Variants in PLLP observed in about 807,000 individuals in gnomAD.
The protein encoded by PLLP is plasmolipin.
In PLLP, 15 loss-of-function variants were observed where a neutral mutation model predicts 19.7. That is an observed-to-expected ratio of 0.76 (90% CI 0.51 to 1.17). The LOEUF (loss-of-function observed/expected upper bound fraction) is 1.17, where lower values mean the gene tolerates loss of function less well. Ranked by LOEUF, PLLP falls within the 50% of genes most tolerant of loss-of-function variation. The probability of loss-of-function intolerance (pLI) is 0.00; values close to 1 mark genes in which losing one functional copy is unlikely to be tolerated. For synonymous variants in PLLP, 111 were observed against 116.3 expected, an observed-to-expected ratio of 0.95 and a Z score of 0.29; for missense variants, 255 against 258.3, an observed-to-expected ratio of 0.99 and a Z score of 0.09.
rs767218252 is a variant in PLLP, at chr16:57,284,458, G to A, written c.83C>T (p.Pro28Leu). The change falls in exon 1 of 4, where the codon CCG (proline) becomes CTG (leucine). Residue 28 changes from proline (P) to leucine (L), a missense_variant. Pro to Leu is a moderately conservative substitution (Grantham distance 98). Transcript: ENST00000219207. ...GCGGGAGCGCACGAAGCCCAGGTCC[G>A]GGCGCAGCGCCGACACCGAGGCTTC... ...GAEASVSALR[P>L]DLGFVRSRLG... 2.8e-6 allele frequency: 4 copies of A among 1,413,592 alleles called. No individual in the cohort carries two copies. The highest frequency in any genetic ancestry group is 3.7e-6 in the Non-Finnish European group (4 of 1,079,426). 87.6% of individuals were successfully genotyped at this position (1,413,592 alleles called of 1,614,324 possible).
intron 1 of PLLP, among the ~76,000 whole-genome samples, chr16:57,283,542 T>TCACCCACCCAGGG (rs1901244509): frequency 6.6e-6 from 1 of 152,156 alleles, no homozygotes; most frequent in South Asian, 2.1e-4. Flanking sequence ...TATCAGGCCC[T>TCACCCACCCAGGG]CACCCACCCA....
In PLLP at chr16:57,258,490, C is replaced by T. The variant is rs749138902; in HGVS notation, c.404G>A (p.Arg135Gln). 1.7e-5 allele frequency: 28 copies of T among 1,612,508 alleles called. No homozygotes were observed. Among genetic ancestry groups the T allele is most frequent in the Middle Eastern group, 3.3e-4 (2 of 6,062 alleles). ...AVDLTSLRGT[R>Q]PYNQRAAASF... Reference sequence around the variant, plus strand: ...GGCAGCCGCGCGCTGGTTATAAGGCCGGGTGCCCCTCAGGGATGTCAGGTC... The same window carrying T: ...GGCAGCCGCGCGCTGGTTATAAGGCTGGGTGCCCCTCAGGGATGTCAGGTC... Residue 135 changes from arginine to glutamine, a missense_variant, in exon 3 of 4, where the codon CGG becomes CAG. Transcript: ENST00000219207.
intron 1 of PLLP, among the ~76,000 whole-genome samples, chr16:57,284,012 G>T (rs541906665): frequency 1.5e-4 from 23 of 152,236 alleles, no homozygotes; most frequent in African/African-American, 5.3e-4. Context: ...CAGAAAGAGG[G>T]GTGAAAAAGA....
At chr16:57,268,813 G>A (rs1191271441) in intron 1 of PLLP, among the ~76,000 whole-genome samples, 2 of 152,184 alleles carry the variant, frequency 1.3e-5, no homozygotes, top group Non-Finnish European at 2.9e-5. Flanking sequence ...ATGGCCAGGT[G>A]TCATGATCAC....
chr16:57,268,119 C>T (rs1225051834), intron 1 of PLLP, among the ~76,000 whole-genome samples: 1 of 152,066 alleles, frequency 6.6e-6, no homozygotes, highest in Non-Finnish European at 1.5e-5. Context: ...CACCAGAAGC[C>T]AGGAGGGGGA....
At chr16:57,282,236 T>G (rs1207036018) in intron 1 of PLLP, among the ~76,000 whole-genome samples, 13 of 151,714 alleles carry the variant, frequency 8.6e-5, no homozygotes, top group African/African-American at 2.7e-4. Context: ...TTCTTTTTTT[T>G]TTTTTGTGTG....
chr16:57,264,495 C>A (rs1313136730), intron 1 of PLLP, among the ~76,000 whole-genome samples: 1 of 152,260 alleles, frequency 6.6e-6, no homozygotes, highest in Non-Finnish European at 1.5e-5. Flanking sequence ...AATCCTATTT[C>A]TTCAACCATG....
intron 1 of PLLP, chr16:57,263,262 G>A (rs1360925574): frequency 1.3e-5 from 2 of 152,252 alleles, no homozygotes; most frequent in African/African-American, 2.4e-5. Flanking sequence ...GAAGCCAAGG[G>A]GCCTACCTGT....
intron 1 of PLLP, among the ~76,000 whole-genome samples, chr16:57,268,923 TGA>T (rs1479480325): frequency 1.3e-5 from 2 of 152,156 alleles, no homozygotes; most frequent in South Asian, 2.1e-4. Context: ...GAGGCCTCAC[TGA>T]GAGAATGACA....
Position 57,284,606 on chromosome 16 carries a change from G to C in PLLP, c.-66C>G, listed in dbSNP as rs11541873. ...CGCCGCCCCTCCAGCGGTGGGTGCC[G>C]GCTCCCGCGCCGCTTTTCCCCCAGG... On this transcript the variant is annotated 5_prime_UTR_variant, in exon 1 of 4. Transcript: ENST00000219207. The C allele has an allele frequency of 0.037, 47,375 of 1,280,550 alleles. 1,815 individuals are homozygous for C. Among genetic ancestry groups the C allele is most frequent in the South Asian group, 0.23 (8,759 of 37,422 alleles). The allele number at this position is 1,280,550 out of a possible 1,614,324, so 79.3% of individuals were successfully genotyped here. A position where few individuals can be genotyped will look rare whatever the true frequency, so the allele number is the denominator to read the frequency against.
chr16:57,271,977 AG>A (rs1361826918), intron 1 of PLLP, among the ~76,000 whole-genome samples: 3 of 151,970 alleles, frequency 2.0e-5, no homozygotes, highest in African/African-American at 7.3e-5. Context: ...CCCAGCACCC[AG>A]GCCCCTCCAA....
chr16:57,270,800 C>T (rs961590002), intron 1 of PLLP, among the ~76,000 whole-genome samples: 3 of 152,162 alleles, frequency 2.0e-5, no homozygotes, highest in East Asian at 1.9e-4. Flanking sequence ...TCCAGGAAGG[C>T]GACAGCAGAC....
At chr16:57,260,151 G>A (rs1200755366) in intron 2 of PLLP, among the ~76,000 whole-genome samples, 1 of 152,118 alleles carries the variant, frequency 6.6e-6, no homozygotes, top group East Asian at 1.9e-4. Flanking sequence ...GGATCCTGTA[G>A]GGGTCTGTAG....
chr16:57,268,418 G>T (rs1006748983), intron 1 of PLLP, among the ~76,000 whole-genome samples: 73 of 152,192 alleles, frequency 4.8e-4, no homozygotes, highest in African/African-American at 1.6e-3. Context: ...CCTCAGGCAA[G>T]TGGCTTAGCC....
chr16:57,261,710 A>G (rs1286879344), intron 2 of PLLP, among the ~76,000 whole-genome samples, 187 bp downstream of exon 2: 1 of 152,046 alleles, frequency 6.6e-6, no homozygotes, highest in Non-Finnish European at 1.5e-5. Context: ...ATAGTGAGAC[A>G]CTGTCTTGAA....
In PLLP at chr16:57,258,599, G is replaced by C; in HGVS notation, c.310-15C>G. On this transcript the variant is annotated splice_polypyrimidine_tract_variant and intron_variant, in intron 2 of 3. Coordinates refer to ENST00000219207, the MANE Select transcript of PLLP (RefSeq NM_015993.3). ...AAGATCATTAACTGCAGGACATGGG[G>C]GTAGGGAGTGGGGAGAGAAAAGGCT... is the stretch of plus-strand genomic sequence containing the variant. 6.2e-7 allele frequency: 1 copy of C among 1,611,826 alleles called. No individual in the cohort carries two copies. The highest frequency in any genetic ancestry group is 8.5e-7 in the Non-Finnish European group (1 of 1,179,630).
chr16:57,257,116 T>C (rs1400512432), intron 3 of PLLP, 87 bp from the exon 4 acceptor site: 1 of 913,150 alleles, frequency 1.1e-6, no homozygotes, highest in African/African-American at 1.6e-5. Flanking sequence ...CAGGAGGGGT[T>C]GTGGCAGCCG....
intron 1 of PLLP, among the ~76,000 whole-genome samples, chr16:57,266,863 CTTTTTTT>C (rs34562097): frequency 4.1e-5 from 4 of 97,338 alleles, no homozygotes; most frequent in African/African-American, 7.7e-5. Context: ...GGCACAGGGC[CTTTTTTT>C]TTTTTTTTTT....
intron 1 of PLLP, 120 bp from the exon 2 acceptor site, chr16:57,262,190 G>A: frequency 1.1e-6 from 1 of 925,188 alleles, no homozygotes; most frequent in Non-Finnish European, 1.7e-6. Context: ...GGGAGCCCAA[G>A]GTGTAATAAT....
Sources: allele counts gnomAD v4.1 joint callset (sites outside exome capture counted in the v4.1 genomes callset), GRCh38; gene constraint gnomAD v4.1.1; transcripts MANE v1.5; gene names NCBI Gene and HGNC (gene_info 2026-07-23, HGNC 2026-07-21).